MAGI1: variants seen among roughly 807,000 people sequenced by gnomAD.
The protein encoded by MAGI1 is membrane-associated guanylate kinase, WW and PDZ domain-containing protein 1.
MAGI1 carries 58 observed loss-of-function variants against 139.9 expected under a neutral mutation model. The observed-to-expected ratio is 0.41, with a 90% CI of 0.34 to 0.52. The LOEUF is 0.52. MAGI1 is among the 20% of genes least tolerant of loss of function. The pLI is 0.12. For synonymous variants in MAGI1, 812 were observed against 737.9 expected (o/e 1.10, Z -1.63); for missense variants, 1,874 against 1,901.6 (o/e 0.99, Z 0.27).
chr3:65,971,324 G>C (rs1023297217), intron 1 of MAGI1, among the ~76,000 whole-genome samples: 1 of 152,210 alleles, frequency 6.6e-6, no homozygotes, highest in East Asian at 1.9e-4. Context: ...TTCCTTAAGA[G>C]TCTATGGATT....
chr3:66,005,643 T>C (rs2066976212), intron 1 of MAGI1, among the ~76,000 whole-genome samples: 1 of 151,980 alleles, frequency 6.6e-6, no homozygotes, highest in Non-Finnish European at 1.5e-5. Context: ...GCCATCAGTG[T>C]GTGTGAGTGG....
At chr3:65,410,020 C>G (rs1279137730) in intron 12 of MAGI1, among the ~76,000 whole-genome samples, 3 of 152,196 alleles carry the variant, frequency 2.0e-5, no homozygotes, top group Non-Finnish European at 1.5e-5. Context: ...TTCCTGATGG[C>G]TTACAGAGCC....
intron 1 of MAGI1, among the ~76,000 whole-genome samples, chr3:65,680,795 T>TATGATATGATATATGATATG (rs58365928): frequency 1.0e-3 from 156 of 151,266 alleles, no homozygotes; most frequent in African/African-American, 3.7e-3. Flanking sequence ...TATGATATGA[T>TATGATATGATATATGATATG]ATACTTTAAT....
chr3:65,683,621 T>C lies in MAGI1; in HGVS notation c.314-61533A>G, dbSNP rs185413932. 9.3e-4 allele frequency among the ~76,000 whole-genome samples: 139 copies of C among 149,170 alleles called. 1 individual carries two copies. Among genetic ancestry groups the C allele is most frequent in the Non-Finnish European group, 1.5e-3 (102 of 67,470 alleles). ...AAACACAGATAATCCAATTAGAAAA[T>C]GGGCAAAAGACCTGAAAAGACATCT... is the stretch of plus-strand genomic sequence containing the variant. On this transcript the variant is annotated intron_variant, in intron 1 of 22. Coordinates refer to ENST00000402939, the MANE Select transcript of MAGI1 (RefSeq NM_001033057.2).
At chr3:65,941,816 G>A (rs143622740) in intron 1 of MAGI1, among the ~76,000 whole-genome samples, 1 of 152,196 alleles carries the variant, frequency 6.6e-6, no homozygotes, top group African/African-American at 2.4e-5. Context: ...GTTTGGAACA[G>A]GGTCTCACTC....
intron 12 of MAGI1, among the ~76,000 whole-genome samples, chr3:65,414,605 T>C (rs368007963): frequency 2.0e-5 from 3 of 152,330 alleles, no homozygotes; most frequent in South Asian, 4.1e-4. Context: ...CAGTGATTCC[T>C]GGATTTTACA....
chr3:65,981,989 A>G (rs1344883648), intron 1 of MAGI1, among the ~76,000 whole-genome samples: 3 of 152,240 alleles, frequency 2.0e-5, no homozygotes, highest in Non-Finnish European at 4.4e-5. Flanking sequence ...TATCATTTGT[A>G]TCAGGTCTCG....
chr3:65,717,805 G>T (rs553193738), intron 1 of MAGI1, among the ~76,000 whole-genome samples: 9 of 152,214 alleles, frequency 5.9e-5, no homozygotes, highest in African/African-American at 2.2e-4. Context: ...AATCACAGTG[G>T]CCATGAGGAT....
intron 1 of MAGI1, among the ~76,000 whole-genome samples, chr3:65,785,805 C>G (rs1188849563): frequency 6.6e-6 from 1 of 152,134 alleles, no homozygotes. Context: ...TCACCCATAC[C>G]AAACATCACA....
rs183458808 is a variant in MAGI1, at chr3:65,850,984, G to C, written c.313+187012C>G. The stretch of plus-strand genomic sequence containing the variant: ...TAGCCAGGCAGGGTGGCAGGTGCCT[G>C]TAATCCTAGCTACTCAGGAGGCTGA... On this transcript the variant is annotated intron_variant, in intron 1 of 22. Coordinates refer to ENST00000402939, the MANE Select transcript of MAGI1 (RefSeq NM_001033057.2). 3.6e-3 allele frequency among the ~76,000 whole-genome samples: 547 copies of C among 152,226 alleles called. 2 individuals carry two copies. Among genetic ancestry groups the C allele is most frequent in the Non-Finnish European group, 6.2e-3 (425 of 68,014 alleles).
At chr3:65,550,528 G>C (rs1476568756) in intron 2 of MAGI1, among the ~76,000 whole-genome samples, 1 of 152,098 alleles carries the variant, frequency 6.6e-6, no homozygotes, top group Non-Finnish European at 1.5e-5. Flanking sequence ...GTCACCTCCG[G>C]GCAGCTCTTC....
At chr3:65,596,095 T>A (rs1225401660) in intron 2 of MAGI1, among the ~76,000 whole-genome samples, 3 of 152,244 alleles carry the variant, frequency 2.0e-5, no homozygotes, top group Admixed American at 6.5e-5. Flanking sequence ...TCCAACTTCA[T>A]ATCTAATTAA....
chr3:65,454,687 A>G (rs925432823), intron 5 of MAGI1, among the ~76,000 whole-genome samples: 5 of 151,500 alleles, frequency 3.3e-5, no homozygotes, highest in African/African-American at 9.7e-5. Context: ...AGGGTTTGCC[A>G]AAGTTTTTTA....
At chr3:65,673,798 G>C (rs1167340980) in intron 1 of MAGI1, among the ~76,000 whole-genome samples, 1 of 152,204 alleles carries the variant, frequency 6.6e-6, no homozygotes, top group Non-Finnish European at 1.5e-5. Flanking sequence ...TGTATGTCTA[G>C]TTCAATAAAT....
intron 2 of MAGI1, among the ~76,000 whole-genome samples, chr3:65,519,042 G>A (rs529139012): frequency 2.0e-5 from 3 of 152,270 alleles, no homozygotes; most frequent in African/African-American, 7.2e-5. Flanking sequence ...GCCTGGAAGT[G>A]TTCTAGGCAC....
intron 2 of MAGI1, among the ~76,000 whole-genome samples, chr3:65,565,869 A>G (rs1468638246): frequency 1.3e-5 from 2 of 151,122 alleles, no homozygotes; most frequent in African/African-American, 2.4e-5. Context: ...AAAAAAAAAA[A>G]AAAAAGAAAC....
At chr3:65,478,869 C>A in intron 3 of MAGI1, 71 bp from the exon 4 acceptor site, 1 of 1,173,500 alleles carries the variant, frequency 8.5e-7, no homozygotes, top group Non-Finnish European at 1.3e-6. Context: ...GACTTCACAT[C>A]CAAATCTCTA....
chr3:66,018,120 G>C (rs13066218), intron 1 of MAGI1, among the ~76,000 whole-genome samples: 2 of 126,762 alleles, frequency 1.6e-5, no homozygotes, highest in African/African-American at 2.6e-5. Flanking sequence ...TGGTGGGGGG[G>C]GGGGGTGTCT....
chr3:65,844,224 T>C, intron 1 of MAGI1: 1 of 490,066 alleles, frequency 2.0e-6, no homozygotes. Context: ...ATAGATTCTC[T>C]GGTCATTGAG....
Sources: gnomAD v4.1 joint callset for allele counts (sites outside exome capture counted in the v4.1 genomes callset) on GRCh38, gnomAD v4.1.1 for gene constraint, MANE v1.5 for transcripts, NCBI Gene and HGNC (gene_info 2026-07-23, HGNC 2026-07-21) for gene names.